TMEM132D: variants seen among roughly 807,000 people sequenced by gnomAD.
The protein encoded by TMEM132D is transmembrane protein 132D.
A neutral mutation model predicts 62.3 loss-of-function variants in TMEM132D; 21 were observed. The ratio of observed to expected loss-of-function variants is 0.34; its 90% CI spans 0.24 to 0.49. The LOEUF (loss-of-function observed/expected upper bound fraction) is 0.49, where lower values mean the gene tolerates loss of function less well. Among genes scored for constraint, TMEM132D ranks in the 20% least tolerant of loss-of-function variants. TMEM132D has a pLI of 0.99. For synonymous variants in TMEM132D, 621 were observed against 575.6 expected (o/e 1.08, Z -1.13); for missense variants, 1,346 against 1,402.8 (o/e 0.96, Z 0.65).
chr12:129,814,827 T>A (rs1872300240), intron 1 of TMEM132D, among the ~76,000 whole-genome samples: 1 of 152,026 alleles, frequency 6.6e-6, no homozygotes, highest in Non-Finnish European at 1.5e-5. Context: ...GTTCTCAACA[T>A]CTAAGATGCC....
At chr12:129,103,508 A>G (rs940949234) in intron 5 of TMEM132D, among the ~76,000 whole-genome samples, 1 of 152,186 alleles carries the variant, frequency 6.6e-6, no homozygotes, top group African/African-American at 2.4e-5. Context: ...TAAGCTTCCA[A>G]GTTGGGATAA....
At chr12:129,695,765 T>G (rs1253364191) in intron 2 of TMEM132D, among the ~76,000 whole-genome samples, 1 of 152,200 alleles carries the variant, frequency 6.6e-6, no homozygotes, top group African/African-American at 2.4e-5. Flanking sequence ...GCAGCTTATG[T>G]GCGGATAACG....
At position 129,115,719 on chromosome 12, in the gene TMEM132D, G is replaced by A. The variant is rs191385724; in HGVS notation, c.1444-31017C>T. On this transcript the variant is annotated intron_variant, in intron 5 of 8. Coordinates refer to ENST00000422113, the MANE Select transcript of TMEM132D (RefSeq NM_133448.3). ...CACGACAAGTAAGCCCTGCTCCTACGCCAGTGGAAGCCAGGGCCTGTAAAG... is the reference window on the plus strand; with the variant it reads ...CACGACAAGTAAGCCCTGCTCCTACACCAGTGGAAGCCAGGGCCTGTAAAG... Among the ~76,000 whole-genome samples, 434 of 152,282 alleles carry A rather than the reference G, an allele frequency of 2.8e-3. 4 individuals are homozygous for A. The highest frequency in any genetic ancestry group is 1.0e-2 in the African/African-American group (415 of 41,552).
At chr12:129,789,215 G>A (rs543265268) in intron 1 of TMEM132D, among the ~76,000 whole-genome samples, 21 of 151,876 alleles carry the variant, frequency 1.4e-4, no homozygotes, top group Admixed American at 1.0e-3. Flanking sequence ...CCTCACCCTC[G>A]TCCCACCCAT....
intron 2 of TMEM132D, among the ~76,000 whole-genome samples, chr12:129,578,657 A>T (rs1489222172): frequency 2.6e-5 from 4 of 152,068 alleles, no homozygotes; most frequent in Admixed American, 1.3e-4. Flanking sequence ...GACCCAGGAA[A>T]GGTGGTGATA....
intron 3 of TMEM132D, among the ~76,000 whole-genome samples, chr12:129,374,877 G>A (rs111450908): frequency 0.025 from 3,828 of 152,258 alleles, 81 homozygotes; most frequent in Non-Finnish European, 0.035. Flanking sequence ...CTTGGGTGGG[G>A]CCTTAAGGTC....
At position 129,144,367 on chromosome 12, in the gene TMEM132D, C is replaced by A. The variant is rs116571171; in HGVS notation, c.1444-59665G>T. 3.4e-3 allele frequency among the ~76,000 whole-genome samples: 518 copies of A among 152,224 alleles called. 3 individuals are homozygous for A. The highest frequency in any genetic ancestry group is 0.012 in the African/African-American group (499 of 41,552). On this transcript the variant is annotated intron_variant, in intron 5 of 8. Transcript: ENST00000422113. ...TAATGTCAAAATGATTTCTAACTTG[C>A]TTTGGTCAATCTGACATCAGCAAGC...
intron 2 of TMEM132D, among the ~76,000 whole-genome samples, chr12:129,642,920 C>CTTTTTTTTTTT (rs71082742): frequency 9.5e-6 from 1 of 105,556 alleles, no homozygotes. Context: ...ATTTACAAAT[C>CTTTTTTTTTTT]TTTTTTTTTT....
chr12:129,344,919 A>G (rs1869632877), intron 3 of TMEM132D, among the ~76,000 whole-genome samples: 1 of 152,122 alleles, frequency 6.6e-6, no homozygotes. Flanking sequence ...ATGAGCAGTA[A>G]GATTAGATAG....
At chr12:129,869,986 G>A (rs886772260) in intron 1 of TMEM132D, among the ~76,000 whole-genome samples, 1 of 152,118 alleles carries the variant, frequency 6.6e-6, no homozygotes, top group Non-Finnish European at 1.5e-5. Context: ...TTCATGAGGA[G>A]CCTCTTTCCA....
At chr12:129,173,841 G>C (rs957656676) in intron 5 of TMEM132D, among the ~76,000 whole-genome samples, 1 of 152,068 alleles carries the variant, frequency 6.6e-6, no homozygotes, top group Non-Finnish European at 1.5e-5. Flanking sequence ...TCCCCCAGTT[G>C]CCAGCATTTT....
At chr12:129,327,348 A>T (rs779921535) in intron 4 of TMEM132D, among the ~76,000 whole-genome samples, 9 of 152,178 alleles carry the variant, frequency 5.9e-5, no homozygotes, top group Non-Finnish European at 1.2e-4. Context: ...AAACGATGTG[A>T]ATTTCCCTGA....
At chr12:129,251,571 GT>G (rs1880268295) in intron 4 of TMEM132D, among the ~76,000 whole-genome samples, 1 of 152,100 alleles carries the variant, frequency 6.6e-6, no homozygotes, top group Admixed American at 6.6e-5. Flanking sequence ...GTTCAAATTT[GT>G]TTCTTTTTGA....
At chr12:129,862,277 T>C in intron 1 of TMEM132D, among the ~76,000 whole-genome samples, 1 of 152,232 alleles carries the variant, frequency 6.6e-6, no homozygotes, top group East Asian at 1.9e-4. Flanking sequence ...CTCTCAACTC[T>C]AAATTTCAAG....
intron 2 of TMEM132D, among the ~76,000 whole-genome samples, chr12:129,666,470 T>C (rs1189790022): frequency 6.6e-6 from 1 of 152,214 alleles, no homozygotes; most frequent in Non-Finnish European, 1.5e-5. Flanking sequence ...TTTTAAAGAT[T>C]ATTGGTAAAA....
intron 1 of TMEM132D, among the ~76,000 whole-genome samples, chr12:129,732,812 G>A (rs1403284273): frequency 6.6e-6 from 1 of 152,146 alleles, no homozygotes; most frequent in Non-Finnish European, 1.5e-5. Flanking sequence ...TGGGAATCTG[G>A]GGCCAGGCCC....
At chr12:129,702,448 G>A (rs1881405356) in intron 1 of TMEM132D, among the ~76,000 whole-genome samples, 1 of 152,172 alleles carries the variant, frequency 6.6e-6, no homozygotes, top group South Asian at 2.1e-4. Context: ...CTTCACATGT[G>A]AGTTATAGTA....
At chr12:129,589,220 G>C (rs1208885718) in intron 2 of TMEM132D, among the ~76,000 whole-genome samples, 1 of 152,090 alleles carries the variant, frequency 6.6e-6, no homozygotes, top group African/African-American at 2.4e-5. Flanking sequence ...TCTCATTGTA[G>C]TGAATAAGTC....
At chr12:129,436,168 A>G (rs958647414) in intron 3 of TMEM132D, among the ~76,000 whole-genome samples, 4 of 152,190 alleles carry the variant, frequency 2.6e-5, no homozygotes, top group African/African-American at 7.2e-5. Context: ...AAAAGCCACT[A>G]TCTTCTCAGA....
Sources: gnomAD v4.1 joint callset for allele counts (sites outside exome capture counted in the v4.1 genomes callset) on GRCh38, gnomAD v4.1.1 for gene constraint, MANE v1.5 for transcripts, NCBI Gene and HGNC (gene_info 2026-07-23, HGNC 2026-07-21) for gene names.